FBXW7: variants seen among roughly 807,000 people sequenced by gnomAD.
FBXW7 encodes F-box/WD repeat-containing protein 7.
FBXW7 carries 11 observed loss-of-function variants against 86.3 expected under a neutral mutation model. The ratio of observed to expected loss-of-function variants is 0.13; its 90% CI spans 0.08 to 0.21. The LOEUF is 0.21. Among genes scored for constraint, FBXW7 ranks in the 10% least tolerant of loss-of-function variants. The pLI, the probability that FBXW7 is intolerant of heterozygous loss-of-function variation, is 1.00. For missense variants in FBXW7, 488 were observed against 847.4 expected, an observed-to-expected ratio of 0.58 and a Z score of 5.27; for synonymous variants, 313 against 297.9, an observed-to-expected ratio of 1.05 and a Z score of -0.52.
At chr4:152,395,631 TAAAGC>T (rs1342015149) in intron 4 of FBXW7, among the ~76,000 whole-genome samples, 3 of 152,082 alleles carry the variant, frequency 2.0e-5, no homozygotes, top group African/African-American at 7.2e-5. Flanking sequence ...GGTCACTGGC[TAAAGC>T]ACTTAAAGTG....
intron 2 of FBXW7, among the ~76,000 whole-genome samples, chr4:152,508,106 A>G (rs1207718563): frequency 6.6e-6 from 1 of 151,948 alleles, no homozygotes; most frequent in Non-Finnish European, 1.5e-5. Context: ...TCACAAAATG[A>G]TGGAGACATG....
intron 2 of FBXW7, among the ~76,000 whole-genome samples, chr4:152,450,516 C>A (rs960405952): frequency 6.6e-6 from 1 of 152,172 alleles, no homozygotes; most frequent in Non-Finnish European, 1.5e-5. Context: ...GCATGCCAGC[C>A]ACGTTAGCGA....
In FBXW7 at chr4:152,380,729, C is replaced by T. The variant is rs531002972; in HGVS notation, c.501+30574G>A. ...ATAATGAGGCAATCTCCCATATGTA[C>T]TTGTTTATTAAAAATATTCAATAAA... On this transcript the variant is annotated intron_variant, in intron 4 of 13. Coordinates refer to ENST00000281708, the MANE Select transcript of FBXW7 (RefSeq NM_001349798.2). Among the ~76,000 whole-genome samples the T allele has an allele frequency of 2.4e-4, 37 of 152,034 alleles. 2 individuals are homozygous for T. The South Asian group carries it at 7.7e-3, about 32-fold the overall frequency.
In FBXW7 at chr4:152,464,672, T is replaced by G. The variant is rs547925061; in HGVS notation, c.-119-52143A>C. ...GAAGAGGAAACAAAAGCAGAAGAAA[T>G]GAACAGTTGTAATTAATTAAAATGA... On this transcript the variant is annotated intron_variant, in intron 2 of 13. Coordinates refer to ENST00000281708, the MANE Select transcript of FBXW7 (RefSeq NM_001349798.2). Among the ~76,000 whole-genome samples the G allele has an allele frequency of 2.0e-5, 3 of 152,186 alleles. No individual in the cohort carries two copies. The East Asian group carries it at 5.8e-4, about 29-fold the overall frequency.
chr4:152,327,333 T>C (rs1729132222), intron 11 of FBXW7, among the ~76,000 whole-genome samples: 1 of 152,042 alleles, frequency 6.6e-6, no homozygotes, highest in African/African-American at 2.4e-5. Context: ...ATCTGCTTAA[T>C]GTAATTGTTC....
chr4:152,406,711 T>G (rs1319795673), intron 4 of FBXW7, among the ~76,000 whole-genome samples: 1 of 152,154 alleles, frequency 6.6e-6, no homozygotes, highest in African/African-American at 2.4e-5. Context: ...ACTAGGGAGA[T>G]CTGTGGGTAG....
intron 2 of FBXW7, among the ~76,000 whole-genome samples, chr4:152,442,342 G>T (rs1432463352): frequency 6.6e-6 from 1 of 152,140 alleles, no homozygotes. Flanking sequence ...TAGCAAAAAC[G>T]AAATCTATGG....
intron 4 of FBXW7, among the ~76,000 whole-genome samples, chr4:152,403,739 G>A (rs1737154850): frequency 6.6e-6 from 1 of 152,136 alleles, no homozygotes; most frequent in Non-Finnish European, 1.5e-5. Flanking sequence ...AGGAGGCGGA[G>A]CACAGGCGGT....
At chr4:152,382,188 C>T (rs1356658388) in intron 4 of FBXW7, 1 of 1,548,244 alleles carries the variant, frequency 6.5e-7, no homozygotes, top group Admixed American at 1.9e-5. Context: ...GTGAGACTTA[C>T]CCGTCTTCGA....
intron 2 of FBXW7, among the ~76,000 whole-genome samples, chr4:152,506,827 G>A (rs1037577444): frequency 2.6e-5 from 4 of 152,210 alleles, no homozygotes; most frequent in African/African-American, 9.7e-5. Context: ...GTTCCAATGT[G>A]AGGCTGATAC....
intron 2 of FBXW7, among the ~76,000 whole-genome samples, chr4:152,515,447 A>G (rs1185736633): frequency 2.6e-5 from 4 of 152,140 alleles, no homozygotes; most frequent in South Asian, 2.1e-4. Flanking sequence ...AAATGGGGGG[A>G]AAAAAGCAAC....
chr4:152,513,098 G>C (rs1748134788), intron 2 of FBXW7, among the ~76,000 whole-genome samples: 1 of 152,148 alleles, frequency 6.6e-6, no homozygotes, highest in Non-Finnish European at 1.5e-5. Context: ...TTGACCTCAG[G>C]TGATCCGCTC....
chr4:152,503,749 G>C (rs1340032270), intron 2 of FBXW7, among the ~76,000 whole-genome samples: 1 of 151,634 alleles, frequency 6.6e-6, no homozygotes, highest in Admixed American at 6.6e-5. Flanking sequence ...TATCACAACA[G>C]ACAGCTCCAG....
At chr4:152,480,718 T>C (rs926097114) in intron 2 of FBXW7, among the ~76,000 whole-genome samples, 3 of 152,184 alleles carry the variant, frequency 2.0e-5, no homozygotes, top group African/African-American at 7.2e-5. Flanking sequence ...GACAAAGGTT[T>C]GGTGTTCTGC....
At chr4:152,444,615 C>A (rs1249322917) in intron 2 of FBXW7, among the ~76,000 whole-genome samples, 19 of 152,070 alleles carry the variant, frequency 1.2e-4, no homozygotes, top group Admixed American at 1.2e-3. Flanking sequence ...TAAACAAATT[C>A]TTAAAGGAAA....
intron 2 of FBXW7, among the ~76,000 whole-genome samples, chr4:152,525,685 C>G (rs1463529645): frequency 1.3e-5 from 2 of 152,158 alleles, no homozygotes; most frequent in African/African-American, 2.4e-5. Flanking sequence ...ACCACATTTT[C>G]TTTATCCAAT....
rs2126649730 is a variant in FBXW7, at chr4:152,350,092, G to T, written c.534C>A (p.Val178=). 1 of 1,567,364 alleles carries T rather than the reference G, an allele frequency of 6.4e-7. No individual in the cohort carries two copies. The highest frequency in any genetic ancestry group is 1.2e-5 in the South Asian group (1 of 84,718). The change falls in exon 5 of 14, where the codon GTC becomes GTA. Residue 178 remains valine, a synonymous_variant. Coordinates refer to ENST00000281708, the MANE Select transcript of FBXW7 (RefSeq NM_001349798.2). ...GTTTCTTTCCCAAAGAAAAAGAGCG[G>T]ACCTCAGAACCATGGTCCAACTTTC... ...MKRKLDHGSE[V]RSFSLGKKPC... is the part of the protein sequence containing the mutation.
chr4:152,457,220 C>T (rs1028948556), intron 2 of FBXW7, among the ~76,000 whole-genome samples: 1 of 152,054 alleles, frequency 6.6e-6, no homozygotes, highest in African/African-American at 2.4e-5. Context: ...TGGTTGCCTG[C>T]GAAGTGGGGA....
chr4:152,478,866 T>C (rs1744641183), intron 2 of FBXW7, among the ~76,000 whole-genome samples: 1 of 152,176 alleles, frequency 6.6e-6, no homozygotes, highest in Non-Finnish European at 1.5e-5. Context: ...GAGAAATATC[T>C]GTTCAAGTCC....
Sources: gnomAD v4.1 joint callset for allele counts (sites outside exome capture counted in the v4.1 genomes callset) on GRCh38, gnomAD v4.1.1 for gene constraint, MANE v1.5 for transcripts, NCBI Gene and HGNC (gene_info 2026-07-23, HGNC 2026-07-21) for gene names.